The following NPNT variants were observed in gnomAD, a reference collection of about 807,000 sequenced individuals.
NPNT encodes preosteoblast EGF-like repeat protein with MAM domain.
In NPNT, 45 loss-of-function variants were observed where a neutral mutation model predicts 68.6. The ratio of observed to expected loss-of-function variants is 0.66; its 90% CI spans 0.52 to 0.84. NPNT has a LOEUF of 0.84. Ranked by LOEUF, NPNT falls within the 40% of genes least tolerant of loss-of-function variation. The pLI, the probability that NPNT is intolerant of heterozygous loss-of-function variation, is 0.00. For missense variants in NPNT, 672 were observed against 714.8 expected, an observed-to-expected ratio of 0.94 and a Z score of 0.68; for synonymous variants, 233 against 253.3, an observed-to-expected ratio of 0.92 and a Z score of 0.76.
intron 2 of NPNT, among the ~76,000 whole-genome samples, chr4:105,925,035 G>T (rs1232799022): frequency 6.6e-6 from 1 of 151,994 alleles, no homozygotes; most frequent in African/African-American, 2.4e-5. Flanking sequence ...AGATTAAAAA[G>T]AATTTTTTTA....
chr4:105,929,050 A>G (rs952904875), intron 3 of NPNT, among the ~76,000 whole-genome samples: 1 of 152,078 alleles, frequency 6.6e-6, no homozygotes, highest in East Asian at 1.9e-4. Context: ...TGCTGCACCT[A>G]TCAAACCATC....
chr4:105,943,086 T>C (rs1186322030), intron 8 of NPNT, among the ~76,000 whole-genome samples: 1 of 152,238 alleles, frequency 6.6e-6, no homozygotes, highest in Non-Finnish European at 1.5e-5. Flanking sequence ...CTTTAGAGTG[T>C]CAAGAAGGCC....
chr4:105,968,804 T>A, intron 11 of NPNT, 91 bp from the exon 12 acceptor site: 1 of 677,518 alleles, frequency 1.5e-6, no homozygotes, highest in South Asian at 2.1e-5. Flanking sequence ...TAAAATTGGT[T>A]TGGGGGAAGG....
intron 11 of NPNT, 71 bp from the exon 12 acceptor site, chr4:105,968,824 A>C: frequency 1.2e-6 from 1 of 867,628 alleles, no homozygotes; most frequent in Non-Finnish European, 1.8e-6. Flanking sequence ...GTTTGCCTTT[A>C]TTTTTGCTTA....
chr4:105,910,444 G>A (rs1727266892), intron 2 of NPNT, among the ~76,000 whole-genome samples: 2 of 151,946 alleles, frequency 1.3e-5, no homozygotes, highest in South Asian at 2.1e-4. Flanking sequence ...AGATTTTTCT[G>A]TATTATGTGC....
In NPNT at chr4:105,940,208, T is replaced by C. The variant is rs1030913304; in HGVS notation, c.639T>C (p.His213=). ...LMYIGGKYQC[H]DIDECSLGQY... The stretch of plus-strand genomic sequence containing the variant: ...ATATTGGAGGCAAATATCAATGTCA[T>C]GGTAATGAAACCCAACCATTGCTTT... Residue 213 remains histidine, a splice_region_variant and synonymous_variant, in exon 6 of 12, where the codon CAT becomes CAC. Coordinates refer to ENST00000379987, the MANE Select transcript of NPNT (RefSeq NM_001033047.3). 6 of 1,613,190 alleles carry C rather than the reference T, an allele frequency of 3.7e-6. No homozygotes were observed. In the African/African-American group the frequency reaches 6.7e-5, roughly 18 times the overall value.
At chr4:105,957,841 G>A (rs1409972013) in intron 8 of NPNT, among the ~76,000 whole-genome samples, 2 of 152,124 alleles carry the variant, frequency 1.3e-5, no homozygotes, top group Non-Finnish European at 2.9e-5. Context: ...GAGAGCATTG[G>A]GTCTGAGACG....
At chr4:105,946,765 G>C (rs934080054) in intron 8 of NPNT, among the ~76,000 whole-genome samples, 1 of 152,070 alleles carries the variant, frequency 6.6e-6, no homozygotes, top group African/African-American at 2.4e-5. Context: ...TCCTGATAAG[G>C]GTCCAGCAAA....
intron 2 of NPNT, among the ~76,000 whole-genome samples, chr4:105,898,290 TTCTC>T (rs148494812): frequency 1.2e-3 from 115 of 94,758 alleles, no homozygotes; most frequent in African/African-American, 2.7e-3. Context: ...CCAGGTTTAT[TTCTC>T]TCTCTCTCTC....
chr4:105,933,892 T>C (rs1380284751), intron 3 of NPNT, among the ~76,000 whole-genome samples: 1 of 152,226 alleles, frequency 6.6e-6, no homozygotes, highest in Non-Finnish European at 1.5e-5. Flanking sequence ...AAGACTTGTA[T>C]ACATAATAAC....
At chr4:105,895,991 G>A (rs942362150) in intron 1 of NPNT, 3 of 486,580 alleles carry the variant, frequency 6.2e-6, no homozygotes, top group Non-Finnish European at 7.3e-6. Context: ...AGGACTGAGG[G>A]AGAGGAGCCG....
At chr4:105,900,834 G>GTTTT (rs765343668) in intron 2 of NPNT, among the ~76,000 whole-genome samples, 78 of 96,220 alleles carry the variant, frequency 8.1e-4, no homozygotes, top group East Asian at 9.4e-4. Flanking sequence ...ACCCTTGGTT[G>GTTTT]TTTTTTTTTT....
intron 2 of NPNT, among the ~76,000 whole-genome samples, chr4:105,908,145 G>A (rs534606926): frequency 4.6e-5 from 7 of 151,858 alleles, no homozygotes; most frequent in South Asian, 2.1e-4. Context: ...AGAACAAACC[G>A]TTTTATTCCA....
At position 105,967,303 on chromosome 4, in the gene NPNT, C is replaced by G. The variant is rs747349062; in HGVS notation, c.1461C>G (p.His487Gln). 3 of 1,613,968 alleles carry G rather than the reference C, an allele frequency of 1.9e-6. No homozygotes were observed. Among genetic ancestry groups the G allele is most frequent in the Admixed American group, 1.7e-5 (1 of 59,986 alleles). Residue 487 changes from histidine to glutamine, a missense_variant, in exon 11 of 12, where the codon CAC (histidine) becomes CAG (glutamine). Physicochemically the swap from His to Gln is conservative, Grantham distance 24 (BLOSUM62 0). Transcript: ENST00000379987. ...HSGDLCLSFR[H>Q]KVTGLHSGTL... ...GGGACCTGTGCCTGTCATTCAGGCA[C>G]AAGGTGACGGGGCTGCACTCTGGCA...
At position 105,958,535 on chromosome 4, in the gene NPNT, C is replaced by A; in HGVS notation, c.1224C>A (p.Asp408Glu). ...IFEIERGVSA[D>E]DEAKDDPGVL... is the part of the protein sequence containing the mutation. ...AAATAGAAAGAGGAGTCAGTGCAGA[C>A]GATGAAGCAAAGGATGATCCAGGTG... The change falls in exon 9 of 12, where the codon GAC (aspartate) becomes GAA (glutamate). Residue 408 changes from aspartate to glutamate, a missense_variant. Coordinates refer to ENST00000379987, the MANE Select transcript of NPNT (RefSeq NM_001033047.3). The A allele has an allele frequency of 2.5e-6, 4 of 1,605,794 alleles. No homozygotes were observed. In the South Asian group the frequency reaches 3.3e-5, roughly 13 times the overall value.
Position 105,895,719 on chromosome 4 carries a change from G to T in NPNT, c.67G>T (p.Gly23Trp). Reference protein sequence around the residue: ...LYLQAAAEFDGRWPRQIVSSI... With the variant: ...LYLQAAAEFDWRWPRQIVSSI... ...CCTGCAGGCGGCCGCCGAGTTCGAC[G>T]GGAGGTGAGCTGGGCCCCGGGGCGC... Residue 23 changes from glycine to tryptophan, a missense_variant, in exon 1 of 12, where the codon GGG (glycine) becomes TGG (tryptophan). By Grantham distance (184) the Gly-to-Trp change is radical. Coordinates refer to ENST00000379987, the MANE Select transcript of NPNT (RefSeq NM_001033047.3). 6.4e-7 allele frequency: 1 copy of T among 1,552,852 alleles called. No individual in the cohort carries two copies. The highest frequency in any genetic ancestry group is 8.7e-7 in the Non-Finnish European group (1 of 1,147,594).
chr4:105,901,442 T>C (rs1315231381), intron 2 of NPNT, among the ~76,000 whole-genome samples: 4 of 152,256 alleles, frequency 2.6e-5, no homozygotes, highest in Non-Finnish European at 4.4e-5. Context: ...TTCTGTTTAC[T>C]CGGAGATTTG....
chr4:105,937,290 C>A (rs1259536473), intron 4 of NPNT, among the ~76,000 whole-genome samples, 162 bp downstream of exon 4: 2 of 151,938 alleles, frequency 1.3e-5, no homozygotes, highest in African/African-American at 4.8e-5. Context: ...ATAAGAGGCA[C>A]CATTTTCGAT....
chr4:105,902,071 C>T (rs1256242872), intron 2 of NPNT, among the ~76,000 whole-genome samples: 1 of 152,136 alleles, frequency 6.6e-6, no homozygotes, highest in African/African-American at 2.4e-5. Context: ...TTCAGATACT[C>T]AGTCTTATAA....
Sources: gnomAD v4.1 joint callset for allele counts (sites outside exome capture counted in the v4.1 genomes callset) on GRCh38, gnomAD v4.1.1 for gene constraint, MANE v1.5 for transcripts, NCBI Gene and HGNC (gene_info 2026-07-23, HGNC 2026-07-21) for gene names.